Variants in IRS4 observed in about 807,000 individuals in gnomAD.
IRS4 encodes the protein 160 kDa phosphotyrosine protein.
In IRS4, 15 loss-of-function variants were observed where a neutral mutation model predicts 48.6. The observed-to-expected ratio is 0.31, with a 90% CI of 0.21 to 0.48. IRS4 has a LOEUF of 0.48. Among genes scored for constraint, IRS4 ranks in the 20% least tolerant of loss-of-function variants. The pLI is 0.99. For synonymous variants in IRS4, 459 were observed against 413.2 expected (o/e 1.11, Z -1.34); for missense variants, 987 against 1,023.4 (o/e 0.96, Z 0.49).
intron 1 of IRS4, chrX:108,726,379 T>A (rs2068875508): frequency 9.0e-6 from 1 of 111,589 alleles, no homozygotes; most frequent in South Asian, 3.8e-4. Context: ...GTGTCCCCCA[T>A]ACTCAACCAG....
intron 1 of IRS4, chrX:108,726,783 G>A (rs932891017): frequency 8.0e-5 from 9 of 112,025 alleles, no homozygotes; most frequent in African/African-American, 2.9e-4. Flanking sequence ...AGGTGTGGCT[G>A]GCATCAAACA....
At chrX:108,723,264 C>T (rs1219288596) in intron 1 of IRS4, 1 of 112,171 alleles carries the variant, frequency 8.9e-6, no homozygotes, top group African/African-American at 3.2e-5. Context: ...TAAAAGAATC[C>T]ATGGAAAACA....
rs928935500 is a variant in IRS4 at position 108,720,402 on chromosome X, T to C, written c.*2117A>G. The C allele has an allele frequency of 4.5e-5, 5 of 112,224 alleles. No homozygotes were observed. The highest frequency in any genetic ancestry group is 1.6e-4 in the African/African-American group (5 of 30,885). 9.2% of individuals were successfully genotyped at this position (112,224 alleles called of 1,213,427 possible). On this transcript the variant is annotated 3_prime_UTR_variant, in exon 2 of 2. Transcript: ENST00000372129. Reference sequence around the variant, plus strand: ...AAACTAATAAATAATGAGAACAAGATTGCATTTGTTATGCAGTACCTGTGA... The same window carrying C: ...AAACTAATAAATAATGAGAACAAGACTGCATTTGTTATGCAGTACCTGTGA...
At chrX:108,730,456 CT>C (rs1346277574) in intron 1 of IRS4, among the ~76,000 whole-genome samples, 2 of 110,613 alleles carry the variant, frequency 1.8e-5, no homozygotes, top group Admixed American at 9.7e-5. Context: ...CGAAATTTCA[CT>C]TCAGTATTAA....
At chrX:108,732,350 C>T in intron 1 of IRS4, 1 of 446,417 alleles carries the variant, frequency 2.2e-6, no homozygotes, top group African/African-American at 2.4e-5. Flanking sequence ...AAAGTAGAAC[C>T]AGTGTTTAAA....
In IRS4 at chrX:108,732,767, G is replaced by A. The variant is rs2068911648; in HGVS notation, c.3578C>T (p.Ser1193Phe). Residue 1193 changes from serine to phenylalanine, a missense_variant, in exon 1 of 2, where the codon TCT (serine) becomes TTT (phenylalanine). Transcript: ENST00000372129. ...GTTATCACCTCTGGCAAGGTTTGCA[G>A]ATGGGTTGTGGGCTCCAGGGTTCGA... ...GGSNPGAHNP[S>F]ANLARGDNQA... 2 of 1,207,170 alleles carry A rather than the reference G, an allele frequency of 1.7e-6. No individual in the cohort carries two copies. The highest frequency in any genetic ancestry group is 2.2e-6 in the Non-Finnish European group (2 of 892,113).
Position 108,722,311 on chromosome X carries a change from T to C in IRS4, c.*208A>G, listed in dbSNP as rs1015971684. 9.8e-6 allele frequency: 2 copies of C among 204,184 alleles called. No individual in the cohort carries two copies. Among genetic ancestry groups the C allele is most frequent in the Non-Finnish European group, 1.9e-5 (2 of 106,385 alleles). The allele number at this position is 204,184 out of a possible 1,213,427, so 16.8% of individuals were successfully genotyped here. A position where few individuals can be genotyped will look rare whatever the true frequency, so the allele number is the denominator to read the frequency against. On this transcript the variant is annotated 3_prime_UTR_variant, in exon 2 of 2. Coordinates refer to ENST00000372129, the MANE Select transcript of IRS4 (RefSeq NM_001379150.1). Reference sequence around the variant, plus strand: ...CAGTGTAAATATTGTTAATTAGAAATCACTGGATCCATAAGCAGCAGTATG... The same window carrying C: ...CAGTGTAAATATTGTTAATTAGAAACCACTGGATCCATAAGCAGCAGTATG...
In IRS4 at chrX:108,735,522, C is replaced by A. The variant is rs2068942926; in HGVS notation, c.823G>T (p.Val275Leu). 2.5e-6 allele frequency: 3 copies of A among 1,210,838 alleles called. No homozygotes were observed. The Middle Eastern group carries it at 6.9e-4, about 278-fold the overall frequency. The change falls in exon 1 of 2, where the codon GTG becomes TTG. Residue 275 changes from valine to leucine, a missense_variant. Transcript: ENST00000372129. ...CGGATGCTCAGGAGCTGGACGACCA[C>A]GCTGGCCACTTCGGTGTTCAGCCTC... ...FVRLNTEVAS[V>L]VVQLLSIRRC...
In IRS4 at chrX:108,734,414, C is replaced by G; in HGVS notation, c.1931G>C (p.Gly644Ala). Residue 644 changes from glycine to alanine, a missense_variant, in exon 1 of 2, where the codon GGT becomes GCT. This residue lies in a region of IRS4 where 720 missense variants were observed against 660.3 expected (regional missense o/e 1.09). Coordinates refer to ENST00000372129, the MANE Select transcript of IRS4 (RefSeq NM_001379150.1). ...TCTTCCCCCAGACTTCCCTTTTCCA[C>G]CAGTTCCTCCAGCTGGTGGGGGTGG... Reference protein sequence around the residue: ...PPPPPPAGGTGGKGKSGGRFR... With the variant: ...PPPPPPAGGTAGKGKSGGRFR... 3 of 1,211,878 alleles carry G rather than the reference C, an allele frequency of 2.5e-6. No individual in the cohort carries two copies. Among genetic ancestry groups the G allele is most frequent in the Non-Finnish European group, 3.3e-6 (3 of 895,534 alleles).
chrX:108,734,808 T>C lies in IRS4; in HGVS notation c.1537A>G (p.Ser513Gly). 2.5e-6 allele frequency: 3 copies of C among 1,211,248 alleles called. No individual in the cohort carries two copies. The highest frequency in any genetic ancestry group is 2.2e-6 in the Non-Finnish European group (2 of 895,345). The change falls in exon 1 of 2, where the codon AGT becomes GGT. Residue 513 changes from serine (S) to glycine (G), a missense_variant. By Grantham distance (56) the Ser-to-Gly change is moderately conservative. This residue lies in a region of IRS4 where 720 missense variants were observed against 660.3 expected (regional missense o/e 1.09). Transcript: ENST00000372129. ...GGQGSNGQGSSSHSSGGNQCS... is the reference protein window; with the variant it reads ...GGQGSNGQGSGSHSSGGNQCS... ...TGGTTTCCTCCCGAGCTATGGCTAC[T>C]GGAGCCTTGGCCATTTGAGCCCTGG... is the stretch of plus-strand genomic sequence containing the variant.
At position 108,732,921 on chromosome X, in the gene IRS4, C is replaced by T. The variant is rs2068914139; in HGVS notation, c.3424G>A (p.Ala1142Thr). 8.5e-7 allele frequency: 1 copy of T among 1,180,147 alleles called. No homozygotes were observed. Among genetic ancestry groups the T allele is most frequent in the South Asian group, 1.9e-5 (1 of 52,720 alleles). The change falls in exon 1 of 2, where the codon GCA becomes ACA. Residue 1142 changes from alanine to threonine, a missense_variant. Coordinates refer to ENST00000372129, the MANE Select transcript of IRS4 (RefSeq NM_001379150.1). ...GCTGCTGCGCCGATGCCCGGGGCTGCGGCGAGCGCGGAGGCCGCAGCTACA... is the reference window on the plus strand; with the variant it reads ...GCTGCTGCGCCGATGCCCGGGGCTGTGGCGAGCGCGGAGGCCGCAGCTACA... ...QVVAAASALA[A>T]APGIGAAAAA... is the part of the protein sequence containing the mutation.
chrX:108,733,764 C>T lies in IRS4; in HGVS notation c.2581G>A (p.Glu861Lys). 1 of 1,211,957 alleles carries T rather than the reference C, an allele frequency of 8.3e-7. No homozygotes were observed. Among genetic ancestry groups the T allele is most frequent in the Non-Finnish European group, 1.1e-6 (1 of 895,540 alleles). The change falls in exon 1 of 2, where the codon GAG becomes AAG. Residue 861 changes from glutamate (E) to lysine (K), a missense_variant. Transcript: ENST00000372129. ...PKDAASKPSG[E>K]GSFSKPGDGG... Reference sequence around the variant, plus strand: ...TCTCCAGGCTTTGAGAATGATCCCTCACCTGAAGGCTTTGAAGCTGCATCT... The same window carrying T: ...TCTCCAGGCTTTGAGAATGATCCCTTACCTGAAGGCTTTGAAGCTGCATCT...
rs1368434875 is a variant in IRS4 at position 108,735,416 on chromosome X, T to A, written c.929A>T (p.Gln310Leu). The A allele has an allele frequency of 8.3e-7, 1 of 1,211,366 alleles. No individual in the cohort carries two copies. The highest frequency in any genetic ancestry group is 2.2e-5 in the Admixed American group (1 of 46,051). ...TTGGGCAACCACACAGTCATCGACC[T>A]GCATCCAGAGCTCTCCCGGACCGAT... is the stretch of plus-strand genomic sequence containing the variant. ...TVIGPGELWM[Q>L]VDDCVVAQNM... Residue 310 changes from glutamine to leucine, a missense_variant, in exon 1 of 2, where the codon CAG (glutamine) becomes CTG (leucine). By Grantham distance (113) the Gln-to-Leu change is moderately radical. Coordinates refer to ENST00000372129, the MANE Select transcript of IRS4 (RefSeq NM_001379150.1).
Position 108,732,730 on chromosome X carries a change from C to T in IRS4, c.3615G>A (p.Gly1205=), listed in dbSNP as rs1193644183. ...CCGGAGCGGCAGCTGCAGCGGCAGC[C>T]CCGCCAGCCTGGTTATCACCTCTGG... ...NLARGDNQAG[G]AAAAAAAPEP... is the part of the protein sequence containing the mutation. Residue 1205 remains glycine, a synonymous_variant, in exon 1 of 2, where the codon GGG becomes GGA. Coordinates refer to ENST00000372129, the MANE Select transcript of IRS4 (RefSeq NM_001379150.1). 8.3e-7 allele frequency: 1 copy of T among 1,211,251 alleles called. No homozygotes were observed. Among genetic ancestry groups the T allele is most frequent in the Non-Finnish European group, 1.1e-6 (1 of 895,192 alleles).
rs1207727740 is a variant in IRS4 at position 108,734,090 on chromosome X, G to A, written c.2255C>T (p.Pro752Leu). The change falls in exon 1 of 2, where the codon CCA (proline) becomes CTA (leucine). Residue 752 changes from proline (P) to leucine (L), a missense_variant. Pro to Leu is a moderately conservative substitution (Grantham distance 98). Around this residue, in one of 4 missense-constraint regions of IRS4, gnomAD observed 720 missense variants for 660.3 expected, o/e 1.09. Coordinates refer to ENST00000372129, the MANE Select transcript of IRS4 (RefSeq NM_001379150.1). Reference protein sequence around the residue: ...GYMMMFPRVSPPPAPSPPKAP... With the variant: ...GYMMMFPRVSLPPAPSPPKAP... ...TTTTGGAGGACTCGGAGCAGGTGGT[G>A]GGCTCACTCTGGGAAACATCATCAT... 1 of 1,211,597 alleles carries A rather than the reference G, an allele frequency of 8.3e-7. No individual in the cohort carries two copies. Among genetic ancestry groups the A allele is most frequent in the Admixed American group, 2.2e-5 (1 of 46,069 alleles).
chrX:108,736,112 T>A lies in IRS4; in HGVS notation c.233A>T (p.Glu78Val). The A allele has an allele frequency of 8.3e-7, 1 of 1,210,226 alleles. No homozygotes were observed. The highest frequency in any genetic ancestry group is 1.8e-5 in the South Asian group (1 of 56,926). ...SEEEDLPVGE[E>V]VCKRGYLRKQ... ...CCGCAGGTAGCCGCGTTTGCAGACT[T>A]CCTCCCCGACGGGCAGGTCCTCCTC... Residue 78 changes from glutamate to valine, a missense_variant, in exon 1 of 2, where the codon GAA becomes GTA. Glu to Val is a moderately radical substitution (Grantham distance 121, BLOSUM62 -2). Around this residue, in one of 4 missense-constraint regions of IRS4, gnomAD observed 173 missense variants for 208.9 expected, o/e 0.83. Coordinates refer to ENST00000372129, the MANE Select transcript of IRS4 (RefSeq NM_001379150.1).
rs1419225743 is a variant in IRS4, at chrX:108,733,562, T to C, written c.2783A>G (p.Lys928Arg). The C allele has an allele frequency of 8.3e-7, 1 of 1,210,591 alleles. No homozygotes were observed. Among genetic ancestry groups the C allele is most frequent in the Admixed American group, 2.2e-5 (1 of 45,886 alleles). Residue 928 changes from lysine (K) to arginine (R), a missense_variant, in exon 1 of 2, where the codon AAA becomes AGA. Transcript: ENST00000372129. ...SSDYVNMDFT[K>R]RESNTPAPST... is the part of the protein sequence containing the mutation. Reference sequence around the variant, plus strand: ...GGGAGCTGGTGTATTGCTCTCTCTTTTAGTGAAGTCCATGTTGACGTAGTC... The same window carrying C: ...GGGAGCTGGTGTATTGCTCTCTCTTCTAGTGAAGTCCATGTTGACGTAGTC...
chrX:108,721,133 C>T lies in IRS4; in HGVS notation c.*1386G>A, dbSNP rs1427027148. On this transcript the variant is annotated 3_prime_UTR_variant, in exon 2 of 2. Transcript: ENST00000372129. ...CAGGTACACAAAGTGTGCATACACACGAATATGTACACACACACACTAGTG... is the reference window on the plus strand; with the variant it reads ...CAGGTACACAAAGTGTGCATACACATGAATATGTACACACACACACTAGTG... The T allele has an allele frequency of 2.7e-5, 3 of 112,699 alleles. No individual in the cohort carries two copies. The highest frequency in any genetic ancestry group is 3.7e-5 in the Non-Finnish European group (2 of 53,356). The allele number at this position is 112,699 out of a possible 1,213,427, so 9.3% of individuals were successfully genotyped here.
intron 1 of IRS4, among the ~76,000 whole-genome samples, chrX:108,729,701 C>T (rs192640595): frequency 1.2e-4 from 13 of 111,810 alleles, no homozygotes; most frequent in Admixed American, 2.8e-4. Flanking sequence ...CTTACTTATA[C>T]GCAATGTGAC....
Sources: gnomAD v4.1 joint callset for allele counts (sites outside exome capture counted in the v4.1 genomes callset) on GRCh38, gnomAD v4.1.1 for gene constraint, gnomAD v4.1.1 regional missense constraint, MANE v1.5 for transcripts, NCBI Gene and HGNC (gene_info 2026-07-23, HGNC 2026-07-21) for gene names.